The following GLIS3 variants were observed in gnomAD, a reference collection of about 807,000 sequenced individuals.
The protein encoded by GLIS3 is zinc finger protein GLIS3.
In GLIS3, 53 loss-of-function variants were observed where a neutral mutation model predicts 78.6. The ratio of observed to expected loss-of-function variants is 0.67; its 90% CI spans 0.54 to 0.85. The LOEUF is 0.85. Among genes scored for constraint, GLIS3 ranks in the 40% least tolerant of loss-of-function variants. GLIS3 has a pLI of 0.00. For missense variants in GLIS3, 1,703 were observed against 1,231.1 expected (o/e 1.38, Z -5.74); for synonymous variants, 684 against 509.9 (o/e 1.34, Z -4.60).
chr9:4,416,022 T>C, the GLIS3 span, among the ~76,000 whole-genome samples: 17 of 150,344 alleles, frequency 1.1e-4, no homozygotes, highest in African/African-American at 4.1e-4. Flanking sequence ...TATATAGATG[T>C]ATATATTTAT....
chr9:4,207,505 G>A (rs972894096), intron 2 of GLIS3, among the ~76,000 whole-genome samples: 2 of 152,148 alleles, frequency 1.3e-5, no homozygotes, highest in Non-Finnish European at 2.9e-5. Context: ...ACAAATCTGG[G>A]AGGATTCATA....
chr9:4,480,963 T>TC, the GLIS3 span, among the ~76,000 whole-genome samples: 1 of 151,942 alleles, frequency 6.6e-6, no homozygotes, highest in Admixed American at 6.6e-5. Context: ...CAAGTGGTCC[T>TC]CCCACCTCAG....
intron 5 of GLIS3, 41 bp downstream of exon 5, chr9:3,936,987 A>C (rs767342225): frequency 6.2e-7 from 1 of 1,611,484 alleles, no homozygotes; most frequent in Non-Finnish European, 8.5e-7. Context: ...TCCTCACACC[A>C]GGCGCTGGGT....
chr9:4,250,174 G>C (rs1476345587), intron 2 of GLIS3, among the ~76,000 whole-genome samples: 1 of 152,138 alleles, frequency 6.6e-6, no homozygotes, highest in East Asian at 1.9e-4. Flanking sequence ...CTATTGTTTG[G>C]AATAGTTTCA....
intron 2 of GLIS3, among the ~76,000 whole-genome samples, chr9:4,269,842 C>T (rs1358668234): frequency 1.3e-5 from 2 of 152,064 alleles, no homozygotes; most frequent in African/African-American, 4.8e-5. Context: ...GAGAAACAAA[C>T]AAATATCTGG....
At chr9:4,171,814 C>A (rs1006096257) in intron 2 of GLIS3, among the ~76,000 whole-genome samples, 2 of 152,150 alleles carry the variant, frequency 1.3e-5, no homozygotes, top group Non-Finnish European at 2.9e-5. Context: ...ATACGCAGAA[C>A]AAATACTCAA....
chr9:4,121,840 C>A (rs371969465), intron 3 of GLIS3, among the ~76,000 whole-genome samples: 5 of 152,286 alleles, frequency 3.3e-5, no homozygotes, highest in African/African-American at 1.2e-4. Context: ...GATGGGCACC[C>A]AAATTTTCTG....
At chr9:4,183,574 T>A (rs547570958) in intron 2 of GLIS3, among the ~76,000 whole-genome samples, 2 of 152,322 alleles carry the variant, frequency 1.3e-5, no homozygotes, top group South Asian at 4.2e-4. Context: ...TGTGACCTTA[T>A]AAAGTCCCTC....
chr9:4,382,586 T>C, the GLIS3 span, among the ~76,000 whole-genome samples: 1 of 152,182 alleles, frequency 6.6e-6, no homozygotes, highest in Non-Finnish European at 1.5e-5. Context: ...CAATCAGTTT[T>C]TCTCTTGATC....
At chr9:4,331,279 C>G (rs1446319212) in intron 2 of GLIS3, among the ~76,000 whole-genome samples, 1 of 152,136 alleles carries the variant, frequency 6.6e-6, no homozygotes, top group Non-Finnish European at 1.5e-5. Flanking sequence ...ACAGGGCCTT[C>G]TTTTGTGCGT....
the GLIS3 span, among the ~76,000 whole-genome samples, chr9:4,408,126 A>C: frequency 2.0e-5 from 3 of 152,186 alleles, no homozygotes; most frequent in African/African-American, 7.2e-5. Flanking sequence ...AAATGCTAGC[A>C]AGAATGTGGA....
intron 2 of GLIS3, chr9:4,285,765 C>A (rs532220199): frequency 1.6e-4 from 74 of 459,886 alleles, no homozygotes; most frequent in South Asian, 1.4e-3. Flanking sequence ...CACAACCACT[C>A]AGCCTGCCTC....
chr9:4,322,719 G>C (rs1247964137), intron 2 of GLIS3, among the ~76,000 whole-genome samples: 1 of 152,186 alleles, frequency 6.6e-6, no homozygotes, highest in East Asian at 1.9e-4. Context: ...CTTTTGAAAA[G>C]TGTCTGCTCT....
the GLIS3 span, among the ~76,000 whole-genome samples, chr9:4,488,088 T>C: frequency 1.5e-5 from 2 of 134,500 alleles, no homozygotes; most frequent in Non-Finnish European, 3.2e-5. Context: ...TCTAAGCACA[T>C]GGTTTTATTT....
At chr9:4,476,012 T>C in the GLIS3 span, among the ~76,000 whole-genome samples, 47 of 152,114 alleles carry the variant, frequency 3.1e-4, no homozygotes, top group Admixed American at 9.2e-4. Flanking sequence ...GCCTCCCAAA[T>C]TGCTGGAATT....
the GLIS3 span, among the ~76,000 whole-genome samples, chr9:4,440,279 T>C: frequency 2.1e-4 from 32 of 152,350 alleles, no homozygotes; most frequent in Admixed American, 1.5e-3. Context: ...ACCCATGTCA[T>C]GAAGCATTTC....
chr9:4,315,850 G>T (rs945738057), intron 2 of GLIS3, among the ~76,000 whole-genome samples: 1 of 152,116 alleles, frequency 6.6e-6, no homozygotes, highest in Admixed American at 6.5e-5. Context: ...ACCAGGACAT[G>T]TTCTTCCAGG....
intron 1 of GLIS3, among the ~76,000 whole-genome samples, chr9:4,294,195 C>T (rs942009337): frequency 1.3e-5 from 2 of 152,180 alleles, no homozygotes; most frequent in Admixed American, 6.5e-5. Flanking sequence ...AATGATGCTA[C>T]TGTGCATAGT....
rs573735867 is a variant in GLIS3, at chr9:4,098,499, G to C, written c.1710+19269C>G. Among the ~76,000 whole-genome samples the C allele has an allele frequency of 2.0e-5, 3 of 152,304 alleles. No individual in the cohort carries two copies. The East Asian group carries it at 5.8e-4, about 29-fold the overall frequency. On this transcript the variant is annotated intron_variant, in intron 4 of 10. Coordinates refer to ENST00000381971, the MANE Select transcript of GLIS3 (RefSeq NM_001042413.2). ...TCACCCCTGAAGAAAGCAACCCATA[G>C]GTTTGGCAGCAGAATCCAGTAAACA...
Sources: allele counts gnomAD v4.1 joint callset (sites outside exome capture counted in the v4.1 genomes callset), GRCh38; gene constraint gnomAD v4.1.1; transcripts MANE v1.5; gene names NCBI Gene and HGNC (gene_info 2026-07-23, HGNC 2026-07-21).